The following GRM1 variants were observed in gnomAD, a reference collection of about 807,000 sequenced individuals.
The protein encoded by GRM1 is metabotropic glutamate receptor 1.
Under a neutral mutation model 90.9 loss-of-function variants are expected in GRM1, and 33 were observed. The observed-to-expected ratio is 0.36, with a 90% CI of 0.28 to 0.49. GRM1 has a LOEUF of 0.49. Ranked by LOEUF, GRM1 falls within the 20% of genes least tolerant of loss-of-function variation. The probability of loss-of-function intolerance (pLI) is 0.99; values close to 1 mark genes in which losing one functional copy is unlikely to be tolerated. For synonymous variants in GRM1, 700 were observed against 613.2 expected (o/e 1.14, Z -2.09); for missense variants, 1,190 against 1,534.3 (o/e 0.78, Z 3.75).
chr6:146,101,921 T>C (rs562217537), intron 1 of GRM1, among the ~76,000 whole-genome samples: 3 of 151,652 alleles, frequency 2.0e-5, no homozygotes, highest in Admixed American at 2.0e-4. Flanking sequence ...TTACTGAGTA[T>C]CTTTTGTGGG....
chr6:146,376,937 A>G (rs941669504), intron 5 of GRM1, among the ~76,000 whole-genome samples: 1 of 152,034 alleles, frequency 6.6e-6, no homozygotes, highest in African/African-American at 2.4e-5. Flanking sequence ...AGGTCTCACA[A>G]GATATGATGG....
At chr6:146,316,722 G>A (rs141938779) in intron 3 of GRM1, among the ~76,000 whole-genome samples, 44 of 152,192 alleles carry the variant, frequency 2.9e-4, no homozygotes, top group African/African-American at 6.5e-4. Context: ...GTCCTCTGAC[G>A]GAGCATGCTC....
At chr6:146,414,765 T>C (rs917320412) in intron 7 of GRM1, among the ~76,000 whole-genome samples, 2 of 152,224 alleles carry the variant, frequency 1.3e-5, no homozygotes, top group Non-Finnish European at 2.9e-5. Flanking sequence ...TTATTGCAAA[T>C]ATTTTTTCTC....
At chr6:146,062,762 G>A (rs188127994) in intron 1 of GRM1, among the ~76,000 whole-genome samples, 4 of 151,930 alleles carry the variant, frequency 2.6e-5, no homozygotes, top group Non-Finnish European at 5.9e-5. Flanking sequence ...GTTTTTGGTC[G>A]ATTACTCTGT....
intron 1 of GRM1, among the ~76,000 whole-genome samples, chr6:146,040,836 C>A (rs1455513998): frequency 6.6e-6 from 1 of 151,856 alleles, no homozygotes; most frequent in Admixed American, 6.6e-5. Flanking sequence ...GATCTTTCTA[C>A]CACTTGCCCT....
intron 3 of GRM1, among the ~76,000 whole-genome samples, chr6:146,348,790 T>C (rs362868): frequency 0.068 from 10,359 of 152,218 alleles, 1,157 homozygotes; most frequent in African/African-American, 0.23. Context: ...GGCTTGACAA[T>C]GGTGCCAGGG....
chr6:146,061,418 T>A (rs1005858437), intron 1 of GRM1, among the ~76,000 whole-genome samples: 2 of 152,018 alleles, frequency 1.3e-5, no homozygotes, highest in African/African-American at 4.8e-5. Flanking sequence ...GATATTGCAT[T>A]TTGAATGCCT....
intron 2 of GRM1, among the ~76,000 whole-genome samples, chr6:146,167,089 C>G (rs150823083): frequency 1.3e-5 from 2 of 152,198 alleles, no homozygotes; most frequent in African/African-American, 4.8e-5. Context: ...CAGGCAACCA[C>G]GGCATTACAC....
At chr6:146,394,264 A>G (rs1385401442) in intron 6 of GRM1, among the ~76,000 whole-genome samples, 2 of 152,182 alleles carry the variant, frequency 1.3e-5, no homozygotes, top group African/African-American at 4.8e-5. Flanking sequence ...ATATAACTAA[A>G]TTATTGAGTT....
At chr6:146,258,131 C>G (rs1299947270) in intron 2 of GRM1, among the ~76,000 whole-genome samples, 2 of 152,202 alleles carry the variant, frequency 1.3e-5, no homozygotes, top group African/African-American at 4.8e-5. Flanking sequence ...TTTACAACTT[C>G]TAATAGAATT....
At chr6:146,237,226 C>T (rs1780680329) in intron 2 of GRM1, among the ~76,000 whole-genome samples, 1 of 151,968 alleles carries the variant, frequency 6.6e-6, no homozygotes. Flanking sequence ...ACACTACTTT[C>T]AGCTTTCTGT....
intron 2 of GRM1, among the ~76,000 whole-genome samples, chr6:146,252,857 C>T (rs1042375873): frequency 6.6e-6 from 1 of 151,840 alleles, no homozygotes. Flanking sequence ...GTTAAGAGAT[C>T]GAGACCATCC....
At chr6:146,134,762 C>T (rs1776549375) in intron 1 of GRM1, among the ~76,000 whole-genome samples, 2 of 152,076 alleles carry the variant, frequency 1.3e-5, no homozygotes, top group Non-Finnish European at 2.9e-5. Flanking sequence ...AACCCCGTCT[C>T]TACTAAAAAT....
At chr6:146,350,079 A>C (rs548280083) in intron 3 of GRM1, among the ~76,000 whole-genome samples, 1 of 152,326 alleles carries the variant, frequency 6.6e-6, no homozygotes, top group Non-Finnish European at 1.5e-5. Flanking sequence ...GATCACCCTA[A>C]ATGAGGATCA....
At chr6:146,291,196 A>G (rs567827990) in intron 2 of GRM1, among the ~76,000 whole-genome samples, 1 of 151,912 alleles carries the variant, frequency 6.6e-6, no homozygotes, top group Non-Finnish European at 1.5e-5. Flanking sequence ...ATATCATGTT[A>G]TTTTCAGCTT....
chr6:146,029,543 T>C lies in GRM1; in HGVS notation c.26T>C (p.Phe9Ser), dbSNP rs1339024978. The change falls in exon 1 of 8, where the codon TTC (phenylalanine) becomes TCC (serine). Residue 9 changes from phenylalanine (F) to serine (S), a missense_variant. Physicochemically the swap from Phe to Ser is radical, Grantham distance 155 (BLOSUM62 -2). Coordinates refer to ENST00000282753, the MANE Select transcript of GRM1 (RefSeq NM_001278064.2). ...ATGGTCGGGCTCCTTTTGTTTTTTTTCCCAGCGATCTTTTTGGAGGTGTCC... is the reference window on the plus strand; with the variant it reads ...ATGGTCGGGCTCCTTTTGTTTTTTTCCCCAGCGATCTTTTTGGAGGTGTCC... The part of the protein sequence containing the change: MVGLLLFF[F>S]PAIFLEVSLL... 4 of 1,614,028 alleles carry C rather than the reference T, an allele frequency of 2.5e-6. No homozygotes were observed. The highest frequency in any genetic ancestry group is 1.7e-5 in the Admixed American group (1 of 60,008).
intron 3 of GRM1, among the ~76,000 whole-genome samples, chr6:146,318,859 T>C (rs1044445193): frequency 6.6e-6 from 1 of 152,198 alleles, no homozygotes; most frequent in Non-Finnish European, 1.5e-5. Context: ...GTTTTTTTCT[T>C]GTAAATTTGT....
At chr6:146,127,661 A>C (rs1776246043) in intron 1 of GRM1, among the ~76,000 whole-genome samples, 2 of 152,220 alleles carry the variant, frequency 1.3e-5, no homozygotes, top group Admixed American at 1.3e-4. Flanking sequence ...GCAAAATTTG[A>C]AATCAGAAAA....
At chr6:146,335,766 A>G (rs1169193098) in intron 3 of GRM1, among the ~76,000 whole-genome samples, 1 of 152,172 alleles carries the variant, frequency 6.6e-6, no homozygotes, top group African/African-American at 2.4e-5. Flanking sequence ...AATTTTTTAA[A>G]TACCTCATGA....
Sources: allele counts gnomAD v4.1 joint callset (sites outside exome capture counted in the v4.1 genomes callset), GRCh38; gene constraint gnomAD v4.1.1; transcripts MANE v1.5; gene names NCBI Gene and HGNC (gene_info 2026-07-23, HGNC 2026-07-21).